The following SLIT3 variants were observed in gnomAD, a reference collection of about 807,000 sequenced individuals.
SLIT3 encodes the protein slit homolog 3 protein.
A neutral mutation model predicts 184.0 loss-of-function variants in SLIT3; 68 were observed. The observed-to-expected ratio is 0.37, with a 90% CI of 0.30 to 0.45. The LOEUF is 0.45. SLIT3 is among the 20% of genes least tolerant of loss of function. The pLI, the probability that SLIT3 is intolerant of heterozygous loss-of-function variation, is 1.00. For synonymous variants in SLIT3, 831 were observed against 828.6 expected (o/e 1.00, Z -0.05); for missense variants, 1,707 against 2,026.0 (o/e 0.84, Z 3.02).
intron 3 of SLIT3, among the ~76,000 whole-genome samples, chr5:169,224,849 G>A (rs1561750288): frequency 6.6e-6 from 1 of 152,118 alleles, no homozygotes; most frequent in Non-Finnish European, 1.5e-5. Flanking sequence ...ACCATGCCCA[G>A]CTAATTTTTG....
chr5:168,905,735 C>T (rs1308426909), intron 4 of SLIT3, among the ~76,000 whole-genome samples: 1 of 152,154 alleles, frequency 6.6e-6, no homozygotes, highest in Non-Finnish European at 1.5e-5. Flanking sequence ...ACTCGTATAC[C>T]CCTTGCTGAA....
chr5:169,136,469 C>G (rs1176870894), intron 4 of SLIT3, among the ~76,000 whole-genome samples: 1 of 152,188 alleles, frequency 6.6e-6, no homozygotes, highest in East Asian at 1.9e-4. Flanking sequence ...GTGGCCAGAA[C>G]TTTGCTGTTA....
At chr5:168,770,640 T>A (rs1041703923) in intron 14 of SLIT3, among the ~76,000 whole-genome samples, 4 of 144,874 alleles carry the variant, frequency 2.8e-5, no homozygotes, top group African/African-American at 1.0e-4. Flanking sequence ...TTAGGAATAA[T>A]CTTTCGCTTA....
At chr5:169,074,590 T>A (rs1346438976) in intron 4 of SLIT3, among the ~76,000 whole-genome samples, 5 of 152,166 alleles carry the variant, frequency 3.3e-5, no homozygotes, top group Admixed American at 3.3e-4. Context: ...GAGAGGTGAG[T>A]ACCTTTCTGA....
At chr5:169,161,929 C>G (rs1762494009) in intron 4 of SLIT3, among the ~76,000 whole-genome samples, 1 of 152,200 alleles carries the variant, frequency 6.6e-6, no homozygotes. Flanking sequence ...AGAGGGACTA[C>G]TACCTAGCCT....
chr5:169,269,021 C>T (rs529525549), intron 1 of SLIT3, among the ~76,000 whole-genome samples: 5 of 152,302 alleles, frequency 3.3e-5, no homozygotes, highest in African/African-American at 1.2e-4. Context: ...CCCCAATTCA[C>T]ACATCTTCAA....
At chr5:168,688,282 A>G (rs1038289992) in intron 29 of SLIT3, among the ~76,000 whole-genome samples, 1 of 152,194 alleles carries the variant, frequency 6.6e-6, no homozygotes, top group Non-Finnish European at 1.5e-5. Context: ...TCCAAGTCAG[A>G]GGAGGAGGCG....
chr5:168,865,570 G>C (rs921300807), intron 5 of SLIT3, among the ~76,000 whole-genome samples: 5 of 152,226 alleles, frequency 3.3e-5, no homozygotes, highest in African/African-American at 1.2e-4. Flanking sequence ...GTGTTCGCCA[G>C]GATCCATGCA....
chr5:168,823,243 A>G lies in SLIT3; in HGVS notation c.629+17T>C, dbSNP rs781476518. On this transcript the variant is annotated intron_variant, in intron 7 of 35. Coordinates refer to ENST00000519560, the MANE Select transcript of SLIT3 (RefSeq NM_003062.4). ...GGTAGGGAGAAAATGGGAGAGATGC[A>G]CAGACTTCTTACTCACAGAGTTCGG... 6.2e-7 allele frequency: 1 copy of G among 1,607,660 alleles called. No homozygotes were observed. Among genetic ancestry groups the G allele is most frequent in the Non-Finnish European group, 8.5e-7 (1 of 1,174,142 alleles).
chr5:169,084,577 G>T (rs1209788050), intron 4 of SLIT3, among the ~76,000 whole-genome samples: 1 of 151,798 alleles, frequency 6.6e-6, no homozygotes, highest in Non-Finnish European at 1.5e-5. Context: ...CAAAGTGCTG[G>T]GATTACAGGC....
intron 3 of SLIT3, among the ~76,000 whole-genome samples, chr5:169,229,706 G>A (rs1054448325): frequency 2.6e-5 from 4 of 151,736 alleles, no homozygotes; most frequent in African/African-American, 9.7e-5. Flanking sequence ...TGATGATGAG[G>A]GAGAGGAGCA....
chr5:169,110,537 G>A (rs946316706), intron 4 of SLIT3, among the ~76,000 whole-genome samples: 2 of 152,028 alleles, frequency 1.3e-5, no homozygotes, highest in Admixed American at 1.3e-4. Context: ...TTTCATTTAT[G>A]CATGTCTGTC....
At position 168,958,928 on chromosome 5, in the gene SLIT3, A is replaced by C. The variant is rs569880551; in HGVS notation, c.414-75592T>G. 1.3e-3 allele frequency among the ~76,000 whole-genome samples: 200 copies of C among 152,202 alleles called. 1 individual carries two copies. Among genetic ancestry groups the C allele is most frequent in the African/African-American group, 4.5e-3 (188 of 41,524 alleles). Reference sequence around the variant, plus strand: ...GTGGTATGGTACCCCTTTTACTTCCACCTGGCCAAGGGTAATGAATGTGTG... The same window carrying C: ...GTGGTATGGTACCCCTTTTACTTCCCCCTGGCCAAGGGTAATGAATGTGTG... On this transcript the variant is annotated intron_variant, in intron 4 of 35. Coordinates refer to ENST00000519560, the MANE Select transcript of SLIT3 (RefSeq NM_003062.4).
intron 35 of SLIT3, chr5:168,666,891 C>A: frequency 2.5e-6 from 2 of 795,500 alleles, no homozygotes; most frequent in Admixed American, 2.0e-5. Flanking sequence ...CTCTGACAGG[C>A]TTACACCTAA....
chr5:169,227,537 C>T (rs1331519863), intron 3 of SLIT3, among the ~76,000 whole-genome samples: 2 of 152,182 alleles, frequency 1.3e-5, no homozygotes, highest in Non-Finnish European at 2.9e-5. Flanking sequence ...AAGTGATTCT[C>T]CTGTCTCAGC....
intron 6 of SLIT3, among the ~76,000 whole-genome samples, chr5:168,839,308 C>A (rs116682241): frequency 6.6e-6 from 1 of 152,102 alleles, no homozygotes; most frequent in African/African-American, 2.4e-5. Context: ...GGCCACACAG[C>A]GTGTCTTTTC....
chr5:169,058,126 C>T (rs2113084792), intron 4 of SLIT3, among the ~76,000 whole-genome samples: 1 of 152,268 alleles, frequency 6.6e-6, no homozygotes, highest in East Asian at 1.9e-4. Flanking sequence ...TGTGTTCTTG[C>T]ACGGAAGGTC....
chr5:168,933,107 C>T (rs1762045432), intron 4 of SLIT3, among the ~76,000 whole-genome samples: 1 of 152,092 alleles, frequency 6.6e-6, no homozygotes, highest in Admixed American at 6.5e-5. Context: ...AACAAAGATG[C>T]AAGGCAGAGA....
intron 3 of SLIT3, among the ~76,000 whole-genome samples, chr5:169,234,978 A>G (rs973760573): frequency 1.3e-5 from 2 of 152,148 alleles, no homozygotes; most frequent in East Asian, 3.8e-4. Context: ...TTAAAATGTA[A>G]TAGTTTATTA....
Sources: allele counts gnomAD v4.1 joint callset (sites outside exome capture counted in the v4.1 genomes callset), GRCh38; gene constraint gnomAD v4.1.1; transcripts MANE v1.5; gene names NCBI Gene and HGNC (gene_info 2026-07-23, HGNC 2026-07-21).